Variants in DTNA observed in about 807,000 individuals in gnomAD.
DTNA encodes dystrobrevin alpha.
A neutral mutation model predicts 100.7 loss-of-function variants in DTNA; 43 were observed. The observed-to-expected ratio is 0.43, with a 90% confidence interval of 0.33 to 0.55. The LOEUF (loss-of-function observed/expected upper bound fraction) is 0.55, where lower values mean the gene tolerates loss of function less well. Among genes scored for constraint, DTNA ranks in the 20% least tolerant of loss-of-function variants. The pLI is 0.04. For synonymous variants in DTNA, 349 were observed against 347.9 expected (o/e 1.00, Z -0.04); for missense variants, 798 against 953.9 (o/e 0.84, Z 2.15).
At chr18:34,797,485 G>A (rs2149097302) in intron 4 of DTNA, among the ~76,000 whole-genome samples, 1 of 152,186 alleles carries the variant, frequency 6.6e-6, no homozygotes, top group Admixed American at 6.5e-5. Flanking sequence ...GCTGCCAGGA[G>A]CCTTCCGCTC....
At chr18:34,613,730 G>A (rs375582102) in intron 1 of DTNA, among the ~76,000 whole-genome samples, 41 of 152,198 alleles carry the variant, frequency 2.7e-4, no homozygotes, top group African/African-American at 9.9e-4. Flanking sequence ...AAGAAGAGTT[G>A]GAAGCTAGGA....
chr18:34,668,800 A>C (rs1165872383), intron 1 of DTNA, among the ~76,000 whole-genome samples: 2 of 152,060 alleles, frequency 1.3e-5, no homozygotes, highest in Non-Finnish European at 1.5e-5. Context: ...ACAGTTTGTT[A>C]TAATTTCTGT....
At chr18:34,586,091 A>G (rs2049104807) in intron 1 of DTNA, among the ~76,000 whole-genome samples, 1 of 152,216 alleles carries the variant, frequency 6.6e-6, no homozygotes, top group South Asian at 2.1e-4. Flanking sequence ...ATGCTTTGTC[A>G]TTGTTATGTT....
chr18:34,736,841 A>G (rs774223759), intron 1 of DTNA, among the ~76,000 whole-genome samples: 1 of 152,200 alleles, frequency 6.6e-6, no homozygotes, highest in Non-Finnish European at 1.5e-5. Flanking sequence ...TGAAAACCTA[A>G]AAATAGTCTG....
chr18:34,776,616 C>T (rs1224439525), intron 3 of DTNA, among the ~76,000 whole-genome samples: 2 of 152,208 alleles, frequency 1.3e-5, no homozygotes, highest in African/African-American at 4.8e-5. Flanking sequence ...GCTGGGATTA[C>T]AGGCATAAGC....
intron 4 of DTNA, among the ~76,000 whole-genome samples, chr18:34,795,804 A>C (rs556620073): frequency 4.5e-4 from 68 of 152,316 alleles, no homozygotes; most frequent in African/African-American, 5.3e-4. Context: ...GACTAACAAT[A>C]AGGAAGGGGG....
intron 1 of DTNA, among the ~76,000 whole-genome samples, chr18:34,746,544 T>C (rs2091614100): frequency 6.6e-6 from 1 of 152,122 alleles, no homozygotes; most frequent in South Asian, 2.1e-4. Flanking sequence ...ATACATCGTA[T>C]TGAATAAAAC....
At chr18:34,510,382 T>C (rs1483038077) in intron 1 of DTNA, among the ~76,000 whole-genome samples, 1 of 151,978 alleles carries the variant, frequency 6.6e-6, no homozygotes, top group African/African-American at 2.4e-5. Context: ...GATGTGCTCC[T>C]AGCATAGTGA....
intron 1 of DTNA, among the ~76,000 whole-genome samples, chr18:34,536,297 GT>G (rs1025653617): frequency 3.3e-5 from 5 of 151,188 alleles, no homozygotes; most frequent in Non-Finnish European, 5.9e-5. Flanking sequence ...TCACTGCCAA[GT>G]TTTTTTTTCT....
chr18:34,565,124 A>G (rs1023176244), intron 1 of DTNA, among the ~76,000 whole-genome samples: 4 of 152,240 alleles, frequency 2.6e-5, no homozygotes, highest in African/African-American at 9.6e-5. Flanking sequence ...GAAACATTTA[A>G]TAAGAATACA....
At chr18:34,569,126 C>T (rs2047345439) in intron 1 of DTNA, among the ~76,000 whole-genome samples, 1 of 152,106 alleles carries the variant, frequency 6.6e-6, no homozygotes, top group African/African-American at 2.4e-5. Context: ...GATCTGAGCT[C>T]ATTGGATTCA....
intron 1 of DTNA, among the ~76,000 whole-genome samples, chr18:34,688,370 G>A (rs866321646): frequency 1.2e-4 from 18 of 152,294 alleles, no homozygotes; most frequent in African/African-American, 4.3e-4. Context: ...TTGCTTGTCT[G>A]TAAGGGATTT....
chr18:34,551,508 A>G (rs1249913797), intron 1 of DTNA, among the ~76,000 whole-genome samples: 1 of 151,896 alleles, frequency 6.6e-6, no homozygotes, highest in Non-Finnish European at 1.5e-5. Context: ...GCTTGTTGGC[A>G]TTTCCAAAGT....
intron 1 of DTNA, among the ~76,000 whole-genome samples, chr18:34,721,203 C>T (rs982683402): frequency 1.3e-5 from 2 of 152,116 alleles, no homozygotes; most frequent in African/African-American, 4.8e-5. Context: ...CATTCAACAC[C>T]TCTTCACCTT....
intron 1 of DTNA, among the ~76,000 whole-genome samples, chr18:34,664,986 T>TTC: frequency 7.1e-6 from 1 of 140,392 alleles, no homozygotes; most frequent in African/African-American, 2.7e-5. Flanking sequence ...CTTCTTCTTC[T>TTC]TTTTTTTTTT....
At chr18:34,877,509 T>C (rs113694349) in intron 18 of DTNA, among the ~76,000 whole-genome samples, 1 of 152,236 alleles carries the variant, frequency 6.6e-6, no homozygotes, top group Non-Finnish European at 1.5e-5. Flanking sequence ...TCATTAGCCA[T>C]GTCTTCTTAC....
chr18:34,890,617 G>A lies in DTNA; in HGVS notation c.*2883G>A. 2 of 989,798 alleles carry A rather than the reference G, an allele frequency of 2.0e-6. No individual in the cohort carries two copies. The highest frequency in any genetic ancestry group is 2.9e-6 in the Non-Finnish European group (2 of 695,614). 61.3% of individuals were successfully genotyped at this position (989,798 alleles called of 1,614,324 possible). On this transcript the variant is annotated 3_prime_UTR_variant, in exon 23 of 23. Coordinates refer to ENST00000444659, the MANE Select transcript of DTNA (RefSeq NM_001386795.1). ...TCCTCCACAGCGCCATATTAATGGA[G>A]GAGGGGAGGAAGGTGAAATCTACTG...
At chr18:34,765,244 C>G (rs371215053) in intron 2 of DTNA, among the ~76,000 whole-genome samples, 1 of 152,086 alleles carries the variant, frequency 6.6e-6, no homozygotes, top group Admixed American at 6.6e-5. Flanking sequence ...GGAATGTGTT[C>G]CCTCTAAGTT....
chr18:34,747,809 T>C (rs930730882), intron 1 of DTNA, among the ~76,000 whole-genome samples: 1 of 152,204 alleles, frequency 6.6e-6, no homozygotes, highest in African/African-American at 2.4e-5. Flanking sequence ...TGTGTCTTTT[T>C]CATATAATGA....
Sources: allele counts gnomAD v4.1 joint callset (sites outside exome capture counted in the v4.1 genomes callset), GRCh38; gene constraint gnomAD v4.1.1; transcripts MANE v1.5; gene names NCBI Gene and HGNC (gene_info 2026-07-23, HGNC 2026-07-21).